The following PRDM2 variants were observed in gnomAD, a reference collection of about 807,000 sequenced individuals.
PRDM2 encodes the protein PR domain zinc finger protein 2.
Under a neutral mutation model 130.0 loss-of-function variants are expected in PRDM2, and 30 were observed. The ratio of observed to expected loss-of-function variants is 0.23; its 90% CI spans 0.17 to 0.31. The LOEUF (loss-of-function observed/expected upper bound fraction) is 0.31. Among genes scored for constraint, PRDM2 ranks in the 10% least tolerant of loss-of-function variants. The pLI is 1.00. For missense variants in PRDM2, 2,011 were observed against 2,108.4 expected, an observed-to-expected ratio of 0.95 and a Z score of 0.90; for synonymous variants, 871 against 782.4, an observed-to-expected ratio of 1.11 and a Z score of -1.89.
intron 4 of PRDM2, among the ~76,000 whole-genome samples, chr1:13,739,207 C>T (rs748308343): frequency 3.3e-5 from 5 of 151,956 alleles, no homozygotes; most frequent in East Asian, 3.9e-4. Flanking sequence ...CCACCACGCC[C>T]GGCTAATTTT....
chr1:13,700,451 C>G (rs1240123799), intron 1 of PRDM2, among the ~76,000 whole-genome samples, 151 bp downstream of exon 1: 1 of 150,078 alleles, frequency 6.7e-6, no homozygotes, highest in East Asian at 2.0e-4. Flanking sequence ...CCTCAGAGGT[C>G]CCGGGCGTGC....
At chr1:13,786,057 C>T (rs1171158506) in intron 8 of PRDM2, among the ~76,000 whole-genome samples, 1 of 151,944 alleles carries the variant, frequency 6.6e-6, no homozygotes, top group Non-Finnish European at 1.5e-5. Context: ...CCAGGATGGT[C>T]TCGATCTCCT....
intron 2 of PRDM2, among the ~76,000 whole-genome samples, chr1:13,728,505 G>C (rs2100461502): frequency 6.6e-6 from 1 of 152,336 alleles, no homozygotes; most frequent in East Asian, 1.9e-4. Context: ...GGGCTGTGGG[G>C]AAGAAGGGAG....
chr1:13,735,693 G>T (rs1643247449), intron 4 of PRDM2, among the ~76,000 whole-genome samples: 2 of 152,140 alleles, frequency 1.3e-5, no homozygotes, highest in Non-Finnish European at 2.9e-5. Flanking sequence ...CGGGGCATTG[G>T]TCAGCCCATG....
At position 13,778,659 on chromosome 1, in the gene PRDM2, G is replaced by A. The variant is rs914437229; in HGVS notation, c.864G>A (p.Glu288=). The A allele has an allele frequency of 1.2e-6, 2 of 1,613,608 alleles. No individual in the cohort carries two copies. Among genetic ancestry groups the A allele is most frequent in the Admixed American group, 1.7e-5 (1 of 60,010 alleles). The change falls in exon 8 of 10, where the codon GAG becomes GAA. Residue 288 remains glutamate, a synonymous_variant. Coordinates refer to ENST00000311066, the MANE Select transcript of PRDM2 (RefSeq NM_001393986.1). ...AAGAAGAAGATGATGATGATGATGA[G>A]TTGGAAGACGAGGGGGAAGAAGAAG... is the stretch of plus-strand genomic sequence containing the variant. The part of the protein sequence containing the change: ...EEEEEDDDDD[E]LEDEGEEEAS...
chr1:13,790,762 G>T (rs1209685680), intron 8 of PRDM2, among the ~76,000 whole-genome samples: 2 of 152,082 alleles, frequency 1.3e-5, no homozygotes. Flanking sequence ...ATGGATCTCT[G>T]TGCTGCAGTC....
intron 1 of PRDM2, among the ~76,000 whole-genome samples, chr1:13,711,049 C>T (rs931156726): frequency 1.3e-5 from 2 of 149,006 alleles, no homozygotes; most frequent in Admixed American, 6.7e-5. Context: ...CGTGCCACTG[C>T]ACTCCAGCCT....
chr1:13,823,460 T>C lies in PRDM2; in HGVS notation c.*325T>C. The C allele has an allele frequency of 2.0e-6, 1 of 488,472 alleles. No individual in the cohort carries two copies. The highest frequency in any genetic ancestry group is 3.6e-6 in the Non-Finnish European group (1 of 274,114). 30.3% of individuals were successfully genotyped at this position (488,472 alleles called of 1,614,324 possible). A position where few individuals can be genotyped will look rare whatever the true frequency, so the allele number is the denominator to read the frequency against. On this transcript the variant is annotated 3_prime_UTR_variant, in exon 10 of 10. Coordinates refer to ENST00000311066, the MANE Select transcript of PRDM2 (RefSeq NM_001393986.1). The stretch of plus-strand genomic sequence containing the variant: ...CCAGCCTTCCTGTTGGGGTGGGGCC[T>C]CTCCTACTATGCAATTTTTCAAGAG...
chr1:13,701,534 T>C (rs927880135), intron 1 of PRDM2, among the ~76,000 whole-genome samples: 2 of 152,186 alleles, frequency 1.3e-5, no homozygotes, highest in African/African-American at 4.8e-5. Context: ...TACGTTCTTT[T>C]TTAGTAGGGT....
At chr1:13,722,507 A>G (rs1372889692) in intron 2 of PRDM2, among the ~76,000 whole-genome samples, 1 of 149,680 alleles carries the variant, frequency 6.7e-6, no homozygotes, top group Non-Finnish European at 1.5e-5. Context: ...TTCCAATAGA[A>G]TTTTTTTTTT....
intron 6 of PRDM2, among the ~76,000 whole-genome samples, chr1:13,764,856 C>T (rs1426092049): frequency 1.3e-5 from 2 of 152,064 alleles, no homozygotes. Context: ...TATAATTTGC[C>T]TCCAGGATTA....
In PRDM2 at chr1:13,817,646, A is replaced by C. The variant is rs138913949; in HGVS notation, c.*23+1076A>C. Among the ~76,000 whole-genome samples the C allele has an allele frequency of 3.6e-3, 544 of 151,840 alleles. 5 individuals are homozygous for C. The highest frequency in any genetic ancestry group is 0.013 in the African/African-American group (523 of 41,384). On this transcript the variant is annotated intron_variant, in intron 9 of 9. Transcript: ENST00000311066. ...CCAGTTCCAAATGTACAAAATGGCC[A>C]AAAAGGCTCAAATCCCATTTACTGG...
chr1:13,712,647 C>T lies in PRDM2; in HGVS notation c.-65-2894C>T, dbSNP rs557662898. On this transcript the variant is annotated intron_variant, in intron 1 of 9. Coordinates refer to ENST00000311066, the MANE Select transcript of PRDM2 (RefSeq NM_001393986.1). ...TGGCACGTGCCTGTAGTACTAGCTA[C>T]TCAGGAGGCTGAGGCAGGAGAATTG... Among the ~76,000 whole-genome samples the T allele has an allele frequency of 2.6e-5, 4 of 152,246 alleles. No homozygotes were observed. The East Asian group carries it at 5.8e-4, about 22-fold the overall frequency.
At chr1:13,708,802 G>A (rs1642284972) in intron 1 of PRDM2, among the ~76,000 whole-genome samples, 1 of 152,150 alleles carries the variant, frequency 6.6e-6, no homozygotes, top group Non-Finnish European at 1.5e-5. Context: ...GGCGTGAGTG[G>A]TTTCAAGCAG....
intron 6 of PRDM2, among the ~76,000 whole-genome samples, chr1:13,752,878 GT>G (rs1423682035): frequency 6.6e-6 from 1 of 152,172 alleles, no homozygotes; most frequent in African/African-American, 2.4e-5. Flanking sequence ...GATGATGCTT[GT>G]GCCACCTAAC....
chr1:13,774,829 T>C (rs1205535021), intron 7 of PRDM2, among the ~76,000 whole-genome samples: 3 of 151,940 alleles, frequency 2.0e-5, no homozygotes, highest in Non-Finnish European at 2.9e-5. Context: ...ACAAAAAAAT[T>C]AGCCAGGCGT....
At chr1:13,822,193 A>G (rs778171783) in intron 9 of PRDM2, among the ~76,000 whole-genome samples, 3 of 152,158 alleles carry the variant, frequency 2.0e-5, no homozygotes, top group East Asian at 1.9e-4. Context: ...GGAAATACCT[A>G]TGAGAATGCT....
At chr1:13,728,035 A>G (rs1642979146) in intron 2 of PRDM2, among the ~76,000 whole-genome samples, 2 of 152,226 alleles carry the variant, frequency 1.3e-5, no homozygotes, top group Admixed American at 1.3e-4. Context: ...GGATTCTTAT[A>G]TTGATCCAGA....
intron 1 of PRDM2, among the ~76,000 whole-genome samples, chr1:13,712,407 A>G (rs1642399612): frequency 6.6e-6 from 1 of 152,198 alleles, no homozygotes; most frequent in African/African-American, 2.4e-5. Context: ...AAAACATGAA[A>G]AGCAGATGGT....
Sources: allele counts gnomAD v4.1 joint callset (sites outside exome capture counted in the v4.1 genomes callset), GRCh38; gene constraint gnomAD v4.1.1; transcripts MANE v1.5; gene names NCBI Gene and HGNC (gene_info 2026-07-23, HGNC 2026-07-21).